The following METTL15 variants were observed in gnomAD, a reference collection of about 807,000 sequenced individuals.
METTL15 encodes the protein methyltransferase 15, mitochondrial 12S rRNA N4-cytidine, also known as 12S rRNA N(4)-cytidine methyltransferase METTL15.
METTL15 carries 34 observed loss-of-function variants against 38.3 expected under a neutral mutation model. The observed-to-expected ratio is 0.89, with a 90% CI of 0.68 to 1.18. The LOEUF is 1.18. METTL15 is among the 50% of genes most tolerant of loss of function. The pLI is 0.00. For missense variants in METTL15, 438 were observed against 498.4 expected, an observed-to-expected ratio of 0.88 and a Z score of 1.15; for synonymous variants, 162 against 170.9, an observed-to-expected ratio of 0.95 and a Z score of 0.41.
At chr11:28,271,528 G>A (rs975536547) in intron 4 of METTL15, among the ~76,000 whole-genome samples, 15 of 152,108 alleles carry the variant, frequency 9.9e-5, no homozygotes, top group Admixed American at 5.2e-4. Context: ...GATCCACACT[G>A]GTGACAAAAA....
chr11:28,446,926 A>G (rs899797195), intron 6 of METTL15, among the ~76,000 whole-genome samples: 149 of 152,280 alleles, frequency 9.8e-4, no homozygotes, highest in African/African-American at 1.8e-3. Flanking sequence ...ACATACACAC[A>G]TATATATACA....
At chr11:28,456,004 C>A (rs1346777476) in intron 6 of METTL15, among the ~76,000 whole-genome samples, 1 of 152,080 alleles carries the variant, frequency 6.6e-6, no homozygotes, top group Non-Finnish European at 1.5e-5. Context: ...CCGCGCCTGG[C>A]CTATTTATTT....
At chr11:28,488,773 C>T (rs1236543606) in intron 6 of METTL15, among the ~76,000 whole-genome samples, 1 of 152,094 alleles carries the variant, frequency 6.6e-6, no homozygotes, top group East Asian at 1.9e-4. Context: ...TAAGTCTGAC[C>T]CCACGATACT....
intron 3 of METTL15, among the ~76,000 whole-genome samples, chr11:28,196,580 A>C (rs971385526): frequency 2.0e-5 from 3 of 151,962 alleles, no homozygotes; most frequent in African/African-American, 7.2e-5. Flanking sequence ...TCATTTATCA[A>C]ATCTAGGGGT....
At chr11:28,454,784 T>C (rs1851153866) in intron 6 of METTL15, among the ~76,000 whole-genome samples, 1 of 152,222 alleles carries the variant, frequency 6.6e-6, no homozygotes, top group African/African-American at 2.4e-5. Context: ...ATTAGCCATA[T>C]ATGGAAATTA....
intron 6 of METTL15, among the ~76,000 whole-genome samples, chr11:28,466,111 G>A (rs987521625): frequency 6.6e-6 from 1 of 152,128 alleles, no homozygotes; most frequent in African/African-American, 2.4e-5. Flanking sequence ...ATTTGGCTGG[G>A]TCTCAGGAAC....
At chr11:28,498,421 G>A (rs1249331121) in intron 6 of METTL15, among the ~76,000 whole-genome samples, 2 of 152,142 alleles carry the variant, frequency 1.3e-5, no homozygotes, top group Non-Finnish European at 1.5e-5. Context: ...GCCTCCCAAA[G>A]TGCTGGGATT....
At chr11:28,447,930 T>A (rs1274127222) in intron 6 of METTL15, among the ~76,000 whole-genome samples, 1 of 152,154 alleles carries the variant, frequency 6.6e-6, no homozygotes, top group Non-Finnish European at 1.5e-5. Flanking sequence ...GTTCCTCACA[T>A]AACTCATATC....
chr11:28,239,863 A>G (rs1417941887), intron 4 of METTL15, among the ~76,000 whole-genome samples: 1 of 152,222 alleles, frequency 6.6e-6, no homozygotes, highest in Non-Finnish European at 1.5e-5. Flanking sequence ...TTTGTTATAC[A>G]ACATCACCCT....
At chr11:28,397,518 G>A (rs981087292) in intron 5 of METTL15, among the ~76,000 whole-genome samples, 1 of 152,080 alleles carries the variant, frequency 6.6e-6, no homozygotes, top group African/African-American at 2.4e-5. Context: ...TCAGAGAAAT[G>A]CAAATCAAAA....
At chr11:28,411,168 C>T (rs1173985868) in intron 5 of METTL15, among the ~76,000 whole-genome samples, 1 of 151,928 alleles carries the variant, frequency 6.6e-6, no homozygotes, top group African/African-American at 2.4e-5. Context: ...TATATTCATA[C>T]TACCCAAAGC....
intron 3 of METTL15, among the ~76,000 whole-genome samples, chr11:28,167,035 T>G (rs1345604389): frequency 6.6e-6 from 1 of 152,212 alleles, no homozygotes. Context: ...ACCTTTTGAT[T>G]GTATTTGTTA....
At chr11:28,241,558 A>T (rs1854298947) in intron 4 of METTL15, among the ~76,000 whole-genome samples, 1 of 151,968 alleles carries the variant, frequency 6.6e-6, no homozygotes, top group Non-Finnish European at 1.5e-5. Context: ...AAAAAAAAGA[A>T]AACCAGAGAA....
At chr11:28,240,630 G>A (rs1854252854) in intron 4 of METTL15, among the ~76,000 whole-genome samples, 1 of 152,180 alleles carries the variant, frequency 6.6e-6, no homozygotes. Flanking sequence ...TAAGAGCTTA[G>A]TGCTTGTTCC....
chr11:28,373,126 G>A (rs1042843311), intron 5 of METTL15, among the ~76,000 whole-genome samples: 35 of 152,100 alleles, frequency 2.3e-4, no homozygotes, highest in African/African-American at 8.5e-4. Flanking sequence ...AGTCCTTTGG[G>A]TATATACCCA....
chr11:28,217,159 C>A (rs1289275025), intron 4 of METTL15, among the ~76,000 whole-genome samples: 1 of 152,140 alleles, frequency 6.6e-6, no homozygotes, highest in Non-Finnish European at 1.5e-5. Context: ...AACGGTTGAA[C>A]TAGTTTACAG....
chr11:28,391,345 A>G (rs1850504556), intron 5 of METTL15, among the ~76,000 whole-genome samples: 1 of 152,092 alleles, frequency 6.6e-6, no homozygotes, highest in African/African-American at 2.4e-5. Flanking sequence ...TTGCCCATTC[A>G]GTATGATATT....
intron 3 of METTL15, among the ~76,000 whole-genome samples, chr11:28,152,234 G>A (rs1245771555): frequency 6.6e-6 from 1 of 150,976 alleles, no homozygotes; most frequent in African/African-American, 2.4e-5. Context: ...AAGCCTATGT[G>A]TGCTTTTTTT....
At chr11:28,117,231 A>ATGTGTGTG (rs1444092063) in intron 3 of METTL15, among the ~76,000 whole-genome samples, 16 of 66,824 alleles carry the variant, frequency 2.4e-4, no homozygotes, top group African/African-American at 8.0e-4. Context: ...ACACCTATAT[A>ATGTGTGTG]TGTATGTGTG....
Sources: allele counts gnomAD v4.1 joint callset (sites outside exome capture counted in the v4.1 genomes callset), GRCh38; gene constraint gnomAD v4.1.1; transcripts MANE v1.5; gene names NCBI Gene and HGNC (gene_info 2026-07-23, HGNC 2026-07-21).